DNAH1: variants seen among roughly 807,000 people sequenced by gnomAD.
DNAH1 encodes the protein dynein axonemal heavy chain 1.
A neutral mutation model predicts 484.3 loss-of-function variants in DNAH1; 327 were observed. The ratio of observed to expected loss-of-function variants is 0.68; its 90% CI spans 0.62 to 0.74. The LOEUF is 0.74. Among genes scored for constraint, DNAH1 ranks in the 30% least tolerant of loss-of-function variants. The pLI is 0.00. For missense variants in DNAH1, 5,052 were observed against 5,546.8 expected (o/e 0.91, Z 2.83); for synonymous variants, 2,192 against 2,191.9 (o/e 1.00, Z 0.00).
intron 46 of DNAH1, 123 bp from the exon 47 acceptor site, chr3:52,378,479 C>T: frequency 9.1e-7 from 1 of 1,104,858 alleles, no homozygotes; most frequent in Admixed American, 2.1e-5. Flanking sequence ...GAATCCAAGC[C>T]TGAAGGCTGG....
chr3:52,332,055 C>A, intron 7 of DNAH1, 87 bp from the exon 8 acceptor site: 2 of 1,471,446 alleles, frequency 1.4e-6, no homozygotes, highest in Non-Finnish European at 1.8e-6. Context: ...GGCCACTGGG[C>A]ATCCACGGCA....
At chr3:52,332,121 T>A (rs1407558808) in intron 7 of DNAH1, 21 bp from the exon 8 acceptor site, 1 of 1,544,354 alleles carries the variant, frequency 6.5e-7, no homozygotes, top group South Asian at 1.2e-5. Context: ...TGTCCCCTTC[T>A]CCCTCTCACC....
At position 52,366,521 on chromosome 3, in the gene DNAH1, C is replaced by T. The variant is rs763796971; in HGVS notation, c.5583C>T (p.Val1861=). The change falls in exon 35 of 78, where the codon GTC becomes GTT. Residue 1861 remains valine (V), a synonymous_variant. Coordinates refer to ENST00000420323, the MANE Select transcript of DNAH1 (RefSeq NM_015512.5). ...TTVVRHGLML[V]GPTGSGKSTC... Reference sequence around the variant, plus strand: ...TGGTACGACACGGCCTCATGCTCGTCGGGCCCACAGGCTCCGGCAAGAGTA... The same window carrying T: ...TGGTACGACACGGCCTCATGCTCGTTGGGCCCACAGGCTCCGGCAAGAGTA... 9.4e-6 allele frequency: 15 copies of T among 1,600,694 alleles called. No homozygotes were observed. Among genetic ancestry groups the T allele is most frequent in the East Asian group, 4.5e-5 (2 of 43,988 alleles).
rs1177991778 is a variant in DNAH1, at chr3:52,366,779, C to T, written c.5657C>T (p.Pro1886Leu). The T allele has an allele frequency of 1.2e-6, 2 of 1,613,866 alleles. No homozygotes were observed. The highest frequency in any genetic ancestry group is 1.7e-6 in the Non-Finnish European group (2 of 1,179,798). ...GCCATGACGTCACTGAAAGGGCAGC[C>T]ATCCATCAGTGGTGGCATGTACGAG... ...AAAMTSLKGQ[P>L]SISGGMYEAV... The change falls in exon 36 of 78, where the codon CCA (proline) becomes CTA (leucine). Residue 1886 changes from proline (P) to leucine (L), a missense_variant. Transcript: ENST00000420323.
chr3:52,344,834 A>G (rs1702081207), intron 9 of DNAH1, among the ~76,000 whole-genome samples, 187 bp downstream of exon 9: 1 of 152,218 alleles, frequency 6.6e-6, no homozygotes. Flanking sequence ...GGACCAGGGG[A>G]AGGGAAGAAG....
At chr3:52,380,358 T>A (rs781093040) in intron 48 of DNAH1, among the ~76,000 whole-genome samples, 21 of 151,026 alleles carry the variant, frequency 1.4e-4, no homozygotes, top group Admixed American at 2.0e-4. Flanking sequence ...GTGGTCCAGC[T>A]GAGATGGGCT....
Position 52,389,480 on chromosome 3 carries a change from T to C in DNAH1, c.9515T>C (p.Leu3172Pro). 6.2e-7 allele frequency: 1 copy of C among 1,609,618 alleles called. No homozygotes were observed. Among genetic ancestry groups the C allele is most frequent in the East Asian group, 2.2e-5 (1 of 44,690 alleles). Residue 3172 changes from leucine (L) to proline (P), a missense_variant, in exon 60 of 78, where the codon CTC (leucine) becomes CCC (proline). Physicochemically the swap from Leu to Pro is moderately conservative, Grantham distance 98 (BLOSUM62 -3). This residue lies in a region of DNAH1 where 2,929 missense variants were observed against 3,409.4 expected (regional missense o/e 0.86). Transcript: ENST00000420323. ...GPFTGQYRTV[L>P]YDSWVKQLRS... ...CCCCAGGGCCAGTACCGCACGGTGC[T>C]CTACGACAGCTGGGTCAAGCAGCTC...
At chr3:52,378,018 A>T (rs1703677301) in intron 46 of DNAH1, among the ~76,000 whole-genome samples, 1 of 151,362 alleles carries the variant, frequency 6.6e-6, no homozygotes, top group African/African-American at 2.4e-5. Flanking sequence ...CTTTCTTTCC[A>T]TTTTCTCCAC....
rs1225762343 is a variant in DNAH1 at position 52,394,570 on chromosome 3, T to C, written c.10732T>C (p.Ser3578Pro). Reference sequence around the variant, plus strand: ...GGCTTGGCGAGACATCCTAGCACTCTCGAACCTGCCAACCTTTTCCTCCTT... The same window carrying C: ...GGCTTGGCGAGACATCCTAGCACTCCCGAACCTGCCAACCTTTTCCTCCTT... ...DRAWRDILAL[S>P]NLPTFSSFSS... is the part of the protein sequence containing the mutation. Residue 3578 changes from serine to proline, a missense_variant, in exon 67 of 78, where the codon TCG becomes CCG. Coordinates refer to ENST00000420323, the MANE Select transcript of DNAH1 (RefSeq NM_015512.5). The C allele has an allele frequency of 3.1e-6, 5 of 1,612,586 alleles. No individual in the cohort carries two copies. In the Admixed American group the frequency reaches 8.4e-5, roughly 27 times the overall value.
chr3:52,356,580 A>G (rs200349965), intron 21 of DNAH1, 34 bp from the exon 22 acceptor site: 1 of 1,610,364 alleles, frequency 6.2e-7, no homozygotes, highest in Admixed American at 1.7e-5. Context: ...CTGACAGTCC[A>G]TATCACACCC....
intron 50 of DNAH1, 38 bp from the exon 51 acceptor site, chr3:52,383,348 G>A (rs750872836): frequency 1.9e-6 from 3 of 1,582,062 alleles, no homozygotes; most frequent in Non-Finnish European, 2.6e-6. Context: ...AGTCCAACAT[G>A]CAGGGGCTTA....
At chr3:52,394,017 G>A (rs1366460225) in intron 66 of DNAH1, among the ~76,000 whole-genome samples, 1 of 152,254 alleles carries the variant, frequency 6.6e-6, no homozygotes, top group Non-Finnish European at 1.5e-5. Context: ...GAGTGTGCTG[G>A]TGAGCACAAA....
rs1258381027 is a variant in DNAH1 at position 52,386,692 on chromosome 3, G to A, written c.8842G>A (p.Val2948Met). The change falls in exon 56 of 78, where the codon GTG becomes ATG. Residue 2948 changes from valine (V) to methionine (M), a missense_variant. This residue lies in a region of DNAH1 where 2,929 missense variants were observed against 3,409.4 expected (regional missense o/e 0.86). Transcript: ENST00000420323. The stretch of plus-strand genomic sequence containing the variant: ...TGCCATGCAGCGGCCACCCCCGGGT[G>A]TGAAACTGGTCATAGAAGCTGTGTG... ...VRAMQRPPPG[V>M]KLVIEAVCIM... 1.3e-6 allele frequency: 2 copies of A among 1,591,024 alleles called. No homozygotes were observed. The highest frequency in any genetic ancestry group is 3.5e-5 in the Admixed American group (2 of 56,696).
In DNAH1 at chr3:52,398,170, C is replaced by A. The variant is rs781537568; in HGVS notation, c.12089+8C>A. Reference sequence around the variant, plus strand: ...AGTACAAGAGGTCATTAGGTAATCACCCCGCCATACCCCTGCCCCGAGTCA... The same window carrying A: ...AGTACAAGAGGTCATTAGGTAATCAACCCGCCATACCCCTGCCCCGAGTCA... On this transcript the variant is annotated splice_region_variant and intron_variant, in intron 75 of 77. Coordinates refer to ENST00000420323, the MANE Select transcript of DNAH1 (RefSeq NM_015512.5). 1.2e-5 allele frequency: 19 copies of A among 1,594,540 alleles called. No individual in the cohort carries two copies. The African/African-American group carries it at 2.3e-4, about 19-fold the overall frequency.
rs1196915676 is a variant in DNAH1, at chr3:52,400,332, A to G, written c.12684A>G (p.Leu4228=). The change falls in exon 78 of 78, where the codon CTA becomes CTG. Residue 4228 remains leucine, a synonymous_variant. Transcript: ENST00000420323. ...IYKTLTRAGT[L]STTGHSTNYV... Reference sequence around the variant, plus strand: ...CCTCCTTGCCCATTCCAGGAACACTATCAACCACAGGACACTCTACCAACT... The same window carrying G: ...CCTCCTTGCCCATTCCAGGAACACTGTCAACCACAGGACACTCTACCAACT... 6.2e-7 allele frequency: 1 copy of G among 1,613,992 alleles called. No homozygotes were observed. The highest frequency in any genetic ancestry group is 8.5e-7 in the Non-Finnish European group (1 of 1,179,872).
In DNAH1 at chr3:52,369,859, CG is replaced by C; in HGVS notation, c.5980del (p.Val1994TrpfsTer30). On this transcript the variant is annotated frameshift_variant, in exon 38 of 78. Transcript: ENST00000420323. LOFTEE classifies it high-confidence loss of function. Reference protein sequence around the residue: ...MTMMFEVQDLAVASPATVSRC... With the variant: ...MTMMFEVQDLXVASPATVSRC... ...ATGATGTTCGAGGTGCAAGACCTGG[CG>C]GTGGCTTCACCAGCTACAGTCTCCC... 1 of 1,612,528 alleles carries C rather than the reference CG, an allele frequency of 6.2e-7. No individual in the cohort carries two copies.
At position 52,370,532 on chromosome 3, in the gene DNAH1, C is replaced by T; in HGVS notation, c.6314C>T (p.Pro2105Leu). The change falls in exon 40 of 78, where the codon CCC becomes CTC. Residue 2105 changes from proline to leucine, a missense_variant. Coordinates refer to ENST00000420323, the MANE Select transcript of DNAH1 (RefSeq NM_015512.5). ...KLSRIVELIE[P>L]WFIFSLIWSV... ...AGTCGCATCGTAGAGTTGATCGAGC[C>T]CTGGTTCATCTTCTCCCTGATCTGG... 6.2e-7 allele frequency: 1 copy of T among 1,613,972 alleles called. No homozygotes were observed. The highest frequency in any genetic ancestry group is 8.5e-7 in the Non-Finnish European group (1 of 1,179,888).
intron 3 of DNAH1, among the ~76,000 whole-genome samples, chr3:52,324,309 G>A (rs148310912): frequency 1.9e-3 from 294 of 152,316 alleles, no homozygotes; most frequent in Admixed American, 3.6e-3. Flanking sequence ...GCTGAAGGAG[G>A]AAAGGGGGAC....
chr3:52,376,229 G>T (rs1703596015), intron 46 of DNAH1, among the ~76,000 whole-genome samples: 1 of 152,192 alleles, frequency 6.6e-6, no homozygotes, highest in Non-Finnish European at 1.5e-5. Context: ...GCTGATGATA[G>T]ATGCAAATTA....
Sources: gnomAD v4.1 joint callset for allele counts (sites outside exome capture counted in the v4.1 genomes callset) on GRCh38, gnomAD v4.1.1 for gene constraint, gnomAD v4.1.1 regional missense constraint, MANE v1.5 for transcripts, NCBI Gene and HGNC (gene_info 2026-07-23, HGNC 2026-07-21) for gene names.